CCSER1: variants seen among roughly 807,000 people sequenced by gnomAD.
The protein encoded by CCSER1 is coiled-coil serine rich protein 1.
In CCSER1, 41 loss-of-function variants were observed where a neutral mutation model predicts 82.0. The observed-to-expected ratio is 0.50, with a 90% CI of 0.39 to 0.65. The LOEUF (loss-of-function observed/expected upper bound fraction) is 0.65. CCSER1 is among the 30% of genes least tolerant of loss of function. CCSER1 has a pLI of 0.00. For synonymous variants in CCSER1, 414 were observed against 383.9 expected (o/e 1.08, Z -0.92); for missense variants, 1,119 against 1,064.2 (o/e 1.05, Z -0.72).
At chr4:91,324,202 G>A (rs1746389867) in intron 10 of CCSER1, among the ~76,000 whole-genome samples, 1 of 151,918 alleles carries the variant, frequency 6.6e-6, no homozygotes, top group African/African-American at 2.4e-5. Context: ...GTTTTATTTT[G>A]CATTTAACTG....
At chr4:91,562,225 GT>G (rs1762685779) in intron 10 of CCSER1, among the ~76,000 whole-genome samples, 1 of 151,326 alleles carries the variant, frequency 6.6e-6, no homozygotes, top group Admixed American at 6.6e-5. Flanking sequence ...AAGAACCACT[GT>G]TTTCATGAGA....
intron 3 of CCSER1, among the ~76,000 whole-genome samples, chr4:90,336,625 G>A (rs1227590692): frequency 6.6e-6 from 1 of 152,078 alleles, no homozygotes. Context: ...AATCAGCTTG[G>A]TCCTTTCCTT....
chr4:91,526,927 A>T (rs992084401), intron 10 of CCSER1, among the ~76,000 whole-genome samples: 3 of 147,528 alleles, frequency 2.0e-5, no homozygotes, highest in African/African-American at 7.7e-5. Flanking sequence ...GAGTTGTCCT[A>T]TTCTCATTTC....
At chr4:90,828,618 C>G (rs17017707) in intron 8 of CCSER1, among the ~76,000 whole-genome samples, 4,555 of 152,110 alleles carry the variant, frequency 0.03, 214 homozygotes, top group African/African-American at 0.099. Context: ...AGGATTTTAC[C>G]AGTTGTAATC....
rs558113170 is a variant in CCSER1 at position 90,885,012 on chromosome 4, A to G, written c.2095-38358A>G. Among the ~76,000 whole-genome samples the G allele has an allele frequency of 1.6e-4, 25 of 152,306 alleles. No individual in the cohort carries two copies. In the East Asian group the frequency reaches 4.6e-3, roughly 28 times the overall value. On this transcript the variant is annotated intron_variant, in intron 8 of 10. Transcript: ENST00000509176. ...AGTTAGAACTTTTATATTTTAATAT[A>G]TGACTTCTACTAAAAGCATAAACTC...
intron 10 of CCSER1, among the ~76,000 whole-genome samples, chr4:91,430,408 C>T (rs1247812913): frequency 6.6e-6 from 1 of 152,204 alleles, no homozygotes; most frequent in African/African-American, 2.4e-5. Flanking sequence ...TGAATATTGA[C>T]TTCATTCTAA....
chr4:90,586,815 T>G (rs1782071602), intron 5 of CCSER1, among the ~76,000 whole-genome samples: 1 of 152,246 alleles, frequency 6.6e-6, no homozygotes, highest in Non-Finnish European at 1.5e-5. Flanking sequence ...TCCAGAAACC[T>G]TATCAGCAAT....
chr4:90,834,502 A>C (rs1304662974), intron 8 of CCSER1, among the ~76,000 whole-genome samples: 1 of 152,210 alleles, frequency 6.6e-6, no homozygotes, highest in Non-Finnish European at 1.5e-5. Flanking sequence ...CTATTCTAAG[A>C]GTAGTAGTGA....
intron 9 of CCSER1, among the ~76,000 whole-genome samples, chr4:90,932,982 G>GAGAA (rs765197842): frequency 0.022 from 409 of 18,852 alleles, 65 homozygotes; most frequent in East Asian, 0.052. Flanking sequence ...AAGAAAGAAA[G>GAGAA]AGAAAGAAAG....
At chr4:91,413,566 T>G (rs1037158446) in intron 10 of CCSER1, among the ~76,000 whole-genome samples, 1 of 150,966 alleles carries the variant, frequency 6.6e-6, no homozygotes, top group Non-Finnish European at 1.5e-5. Context: ...TGGGACACCA[T>G]GAAGTGTGTG....
intron 1 of CCSER1, among the ~76,000 whole-genome samples, chr4:90,186,294 T>C (rs140332158): frequency 2.6e-5 from 4 of 152,156 alleles, no homozygotes; most frequent in South Asian, 2.1e-4. Context: ...CAGGTTCTTA[T>C]ACTCCTGTGG....
At chr4:91,409,286 C>A (rs1388539321) in intron 10 of CCSER1, among the ~76,000 whole-genome samples, 1 of 151,904 alleles carries the variant, frequency 6.6e-6, no homozygotes, top group Non-Finnish European at 1.5e-5. Context: ...CTTAATATGC[C>A]CTTATATTGC....
At chr4:91,081,985 T>A (rs1440620268) in intron 9 of CCSER1, among the ~76,000 whole-genome samples, 2 of 152,206 alleles carry the variant, frequency 1.3e-5, no homozygotes, top group African/African-American at 4.8e-5. Context: ...ATGGCCATAC[T>A]GCCCAAGGTA....
chr4:91,598,544 A>C (rs1271623949), intron 10 of CCSER1, 28 bp from the exon 11 acceptor site: 4 of 1,517,858 alleles, frequency 2.6e-6, no homozygotes, highest in Admixed American at 4.5e-5. Context: ...TTTTTAAGAC[A>C]TCTTTTTCTT....
chr4:90,805,119 C>A (rs970758094), intron 7 of CCSER1, among the ~76,000 whole-genome samples: 1 of 152,116 alleles, frequency 6.6e-6, no homozygotes, highest in African/African-American at 2.4e-5. Context: ...GATCTTGTAA[C>A]AAGTTATTTC....
At chr4:91,211,413 T>C (rs1212845001) in intron 10 of CCSER1, among the ~76,000 whole-genome samples, 1 of 152,102 alleles carries the variant, frequency 6.6e-6, no homozygotes, top group African/African-American at 2.4e-5. Flanking sequence ...ATTAATATAG[T>C]TGTCTTTAAC....
chr4:91,038,993 C>A (rs1158899922), intron 9 of CCSER1, among the ~76,000 whole-genome samples: 1 of 152,096 alleles, frequency 6.6e-6, no homozygotes, highest in Non-Finnish European at 1.5e-5. Flanking sequence ...AATTATGATT[C>A]TTAGTTTCTT....
intron 10 of CCSER1, among the ~76,000 whole-genome samples, chr4:91,408,043 A>G (rs1752805607): frequency 6.7e-6 from 1 of 150,098 alleles, no homozygotes; most frequent in Non-Finnish European, 1.5e-5. Flanking sequence ...CAGGCCAGTA[A>G]AAAAAAAAGC....
chr4:90,744,011 C>G (rs1182722090), intron 7 of CCSER1, among the ~76,000 whole-genome samples: 2 of 152,148 alleles, frequency 1.3e-5, no homozygotes, highest in Non-Finnish European at 2.9e-5. Flanking sequence ...GTGAGTCATG[C>G]AGAACAATTA....
Sources: gnomAD v4.1 joint callset for allele counts (sites outside exome capture counted in the v4.1 genomes callset) on GRCh38, gnomAD v4.1.1 for gene constraint, MANE v1.5 for transcripts, NCBI Gene and HGNC (gene_info 2026-07-23, HGNC 2026-07-21) for gene names.